Variants in CSNK2A2IP observed in about 807,000 individuals in gnomAD.
CSNK2A2IP encodes casein kinase 2 subunit alpha' interacting protein, also known as casein kinase II subunit alpha'-interacting protein.
the CSNK2A2IP span, chr3:88,465,935 C>T: frequency 8.1e-7 from 1 of 1,231,438 alleles, no homozygotes; most frequent in Non-Finnish European, 1.0e-6. Flanking sequence ...CAAGAAATAC[C>T]TTCCATAAAC....
the CSNK2A2IP span, among the ~76,000 whole-genome samples, chr3:88,349,185 C>T: frequency 1.1e-4 from 16 of 151,870 alleles, no homozygotes; most frequent in Non-Finnish European, 2.2e-4. Flanking sequence ...TTTGGTTACA[C>T]GGATGAGTTC....
At chr3:88,375,497 G>A in the CSNK2A2IP span, among the ~76,000 whole-genome samples, 1 of 151,666 alleles carries the variant, frequency 6.6e-6, no homozygotes, top group African/African-American at 2.4e-5. Context: ...GTTGGGTTAA[G>A]ATTTGTGATA....
the CSNK2A2IP span, among the ~76,000 whole-genome samples, chr3:88,362,924 C>A: frequency 4.6e-5 from 7 of 152,216 alleles, no homozygotes; most frequent in East Asian, 1.4e-3. Flanking sequence ...GAAGTGATAC[C>A]CACACTCCTG....
At chr3:88,417,487 G>A in the CSNK2A2IP span, among the ~76,000 whole-genome samples, 1 of 152,172 alleles carries the variant, frequency 6.6e-6, no homozygotes, top group African/African-American at 2.4e-5. Context: ...ATGAATGTTT[G>A]ACACTCCCTT....
chr3:88,428,624 G>C, the CSNK2A2IP span, among the ~76,000 whole-genome samples: 1 of 152,062 alleles, frequency 6.6e-6, no homozygotes, highest in Non-Finnish European at 1.5e-5. Flanking sequence ...TCTATTGGTA[G>C]GCCATATAGG....
At chr3:88,407,137 G>T in the CSNK2A2IP span, among the ~76,000 whole-genome samples, 1 of 152,078 alleles carries the variant, frequency 6.6e-6, no homozygotes, top group Non-Finnish European at 1.5e-5. Context: ...TAGAAAACAG[G>T]AGCTTTTCAA....
At chr3:88,339,107 G>T in the CSNK2A2IP span, among the ~76,000 whole-genome samples, 1 of 151,744 alleles carries the variant, frequency 6.6e-6, no homozygotes, top group Non-Finnish European at 1.5e-5. Context: ...CATTAAATTA[G>T]TGTTAACTAT....
chr3:88,409,205 T>C, the CSNK2A2IP span, among the ~76,000 whole-genome samples: 1 of 152,128 alleles, frequency 6.6e-6, no homozygotes, highest in Non-Finnish European at 1.5e-5. Flanking sequence ...GTCTATAATA[T>C]GCATGAAGTG....
At chr3:88,413,124 T>G in the CSNK2A2IP span, among the ~76,000 whole-genome samples, 1 of 152,064 alleles carries the variant, frequency 6.6e-6, no homozygotes, top group Non-Finnish European at 1.5e-5. Flanking sequence ...TGACTTTGAT[T>G]TAATTTTTAA....
chr3:88,343,222 T>C, the CSNK2A2IP span: 1 of 152,346 alleles, frequency 6.6e-6, no homozygotes, highest in African/African-American at 2.4e-5. Flanking sequence ...AGATATTGTG[T>C]CCCTGTCTCA....
chr3:88,457,966 T>C, the CSNK2A2IP span, among the ~76,000 whole-genome samples: 8 of 151,766 alleles, frequency 5.3e-5, no homozygotes. Flanking sequence ...TTTCTATTTG[T>C]TCTTGAGTGA....
the CSNK2A2IP span, among the ~76,000 whole-genome samples, chr3:88,427,405 G>T: frequency 6.6e-5 from 10 of 152,228 alleles, no homozygotes; most frequent in Non-Finnish European, 1.3e-4. Flanking sequence ...AGAAAGTCAA[G>T]CTGGCTGCAG....
the CSNK2A2IP span, chr3:88,466,275 A>T: frequency 8.1e-7 from 1 of 1,231,572 alleles, no homozygotes; most frequent in African/African-American, 1.6e-5. Context: ...CAGCATCATC[A>T]TATTTTGTCC....
chr3:88,454,211 C>T, the CSNK2A2IP span, among the ~76,000 whole-genome samples: 2 of 151,904 alleles, frequency 1.3e-5, no homozygotes, highest in East Asian at 3.9e-4. Context: ...CATGTACTTA[C>T]ATCCCATTCC....
the CSNK2A2IP span, among the ~76,000 whole-genome samples, chr3:88,417,041 C>A: frequency 6.6e-6 from 1 of 151,080 alleles, no homozygotes; most frequent in Non-Finnish European, 1.5e-5. Flanking sequence ...ATTTTTCTTG[C>A]AAATGAGATC....
the CSNK2A2IP span, among the ~76,000 whole-genome samples, chr3:88,445,690 C>G: frequency 6.6e-6 from 1 of 152,084 alleles, no homozygotes; most frequent in African/African-American, 2.4e-5. Context: ...TCCTGAGTAA[C>G]TGGGATTACA....
chr3:88,396,532 G>A, the CSNK2A2IP span, among the ~76,000 whole-genome samples: 1 of 152,310 alleles, frequency 6.6e-6, no homozygotes, highest in African/African-American at 2.4e-5. Context: ...AGGTTAGCGA[G>A]GAGTGAAGCA....
the CSNK2A2IP span, among the ~76,000 whole-genome samples, chr3:88,398,821 T>G: frequency 6.6e-6 from 1 of 152,194 alleles, no homozygotes; most frequent in African/African-American, 2.4e-5. Context: ...ATTCTTACAC[T>G]TTGATGGCAG....
the CSNK2A2IP span, among the ~76,000 whole-genome samples, chr3:88,413,046 T>C: frequency 6.6e-6 from 1 of 152,044 alleles, no homozygotes. Flanking sequence ...AGCTAAATTT[T>C]TTATTGCTAA....
Sources: gnomAD v4.1 joint callset for allele counts (sites outside exome capture counted in the v4.1 genomes callset) on GRCh38, gnomAD v4.1.1 for gene constraint, MANE v1.5 for transcripts, NCBI Gene and HGNC (gene_info 2026-07-23, HGNC 2026-07-21) for gene names.